Variants in DNAH14 observed in about 807,000 individuals in gnomAD.
The protein encoded by DNAH14 is dynein axonemal heavy chain 14, also known as axonemal beta dynein heavy chain 14.
Under a neutral mutation model 520.9 loss-of-function variants are expected in DNAH14, and 478 were observed. The observed-to-expected ratio is 0.92, with a 90% confidence interval of 0.85 to 0.99. The LOEUF (loss-of-function observed/expected upper bound fraction) is 0.99. DNAH14 is among the 50% of genes least tolerant of loss of function. The pLI is 0.00. For missense variants in DNAH14, 4,831 were observed against 5,234.5 expected (o/e 0.92, Z 2.38); for synonymous variants, 1,581 against 1,757.2 (o/e 0.90, Z 2.51).
intron 41 of DNAH14, among the ~76,000 whole-genome samples, chr1:225,223,344 C>G (rs1345780795): frequency 6.6e-6 from 1 of 152,186 alleles, no homozygotes; most frequent in South Asian, 2.1e-4. Context: ...TTGCAGACCT[C>G]TTTCTAGTAA....
intron 8 of DNAH14, among the ~76,000 whole-genome samples, chr1:224,976,468 A>C (rs887399624): frequency 2.0e-5 from 3 of 152,210 alleles, no homozygotes; most frequent in Non-Finnish European, 2.9e-5. Context: ...AATGGCAACG[A>C]AAGCCAAAAT....
chr1:225,000,348 T>C (rs2147779679), intron 8 of DNAH14, among the ~76,000 whole-genome samples: 2 of 152,224 alleles, frequency 1.3e-5, no homozygotes, highest in South Asian at 4.1e-4. Context: ...CTTTGACATG[T>C]TTTTGGTGTG....
intron 41 of DNAH14, among the ~76,000 whole-genome samples, chr1:225,219,562 A>G (rs1472730406): frequency 6.6e-6 from 1 of 152,160 alleles, no homozygotes; most frequent in Non-Finnish European, 1.5e-5. Context: ...ATCTAAAAGA[A>G]ATGGATAAAT....
At chr1:225,149,637 T>C (rs2080294426) in intron 31 of DNAH14, among the ~76,000 whole-genome samples, 1 of 152,202 alleles carries the variant, frequency 6.6e-6, no homozygotes, top group African/African-American at 2.4e-5. Context: ...TTCATCTCCC[T>C]GGTTAGCTGT....
intron 57 of DNAH14, among the ~76,000 whole-genome samples, chr1:225,304,109 A>G (rs1414104082): frequency 2.0e-5 from 3 of 152,208 alleles, no homozygotes; most frequent in Admixed American, 6.5e-5. Context: ...CTAAATCAGA[A>G]TTATCTCCCA....
In DNAH14 at chr1:225,273,016, T is replaced by C; in HGVS notation, c.7901T>C (p.Leu2634Pro). 6.4e-7 allele frequency: 1 copy of C among 1,551,676 alleles called. No homozygotes were observed. Among genetic ancestry groups the C allele is most frequent in the Non-Finnish European group, 8.7e-7 (1 of 1,146,964 alleles). Reference sequence around the variant, plus strand: ...GTTAACTCCAAAGAGATGGCTGCTCTGCTCTTTGTTCATGAAGCCACCCGA... The same window carrying C: ...GTTAACTCCAAAGAGATGGCTGCTCCGCTCTTTGTTCATGAAGCCACCCGA... ...TVVNSKEMAA[L>P]LFVHEATRVF... The change falls in exon 52 of 86, where the codon CTG (leucine) becomes CCG (proline). Residue 2634 changes from leucine to proline, a missense_variant. Physicochemically the swap from Leu to Pro is moderately conservative, Grantham distance 98. Transcript: ENST00000682510.
intron 8 of DNAH14, among the ~76,000 whole-genome samples, chr1:224,996,639 C>T (rs897328504): frequency 6.6e-6 from 1 of 152,064 alleles, no homozygotes; most frequent in East Asian, 1.9e-4. Flanking sequence ...CTGGTGAGAC[C>T]CCGACTGAGC....
At position 225,360,818 on chromosome 1, in the gene DNAH14, C is replaced by T; in HGVS notation, c.11914C>T (p.Gln3972Ter). The stretch of plus-strand genomic sequence containing the variant: ...CATTTTAAAGGCACTAACAAAAACA[C>T]AACAATGGGTCTTCCTCCAGAACTG... ...DLILKALTKTQQWVFLQNCHL... is the reference protein window; with the variant it reads ...DLILKALTKT Residue 3972 changes from glutamine to a stop codon, truncating the protein, a stop_gained, in exon 75 of 86, where the codon CAA (glutamine) becomes TAA (stop). Coordinates refer to ENST00000682510, the MANE Select transcript of DNAH14 (RefSeq NM_001367479.1). LOFTEE classifies it high-confidence loss of function. The T allele has an allele frequency of 1.3e-6, 2 of 1,551,712 alleles. No individual in the cohort carries two copies. Among genetic ancestry groups the T allele is most frequent in the Non-Finnish European group, 1.7e-6 (2 of 1,146,980 alleles).
chr1:225,051,715 C>A lies in DNAH14; in HGVS notation c.2344C>A (p.Leu782Met), dbSNP rs1259673665. Residue 782 changes from leucine to methionine, a missense_variant, in exon 17 of 86, where the codon CTG becomes ATG. Transcript: ENST00000682510. The stretch of plus-strand genomic sequence containing the variant: ...TCTTGATTATCAATCAGAATGCTTA[C>A]TGTATATTGACAACGTCATACATAT... The part of the protein sequence containing the change: ...VSLDYQSECL[L>M]YIDNVIHMSH... The A allele has an allele frequency of 2.6e-6, 4 of 1,550,962 alleles. No individual in the cohort carries two copies. The South Asian group carries it at 4.8e-5, about 18-fold the overall frequency.
intron 27 of DNAH14, among the ~76,000 whole-genome samples, chr1:225,132,435 A>G (rs575743500): frequency 6.6e-6 from 1 of 151,496 alleles, no homozygotes; most frequent in Non-Finnish European, 1.5e-5. Context: ...TGTTCTCATC[A>G]TTCAGCTCCC....
At chr1:225,099,952 G>A (rs1250923708) in intron 22 of DNAH14, among the ~76,000 whole-genome samples, 2 of 152,074 alleles carry the variant, frequency 1.3e-5, no homozygotes, top group Non-Finnish European at 2.9e-5. Flanking sequence ...ATCAGGTTGA[G>A]GCTAGGGTGG....
At position 225,367,968 on chromosome 1, in the gene DNAH14, A is replaced by G; in HGVS notation, c.12254A>G (p.Glu4085Gly). 12 of 1,551,530 alleles carry G rather than the reference A, an allele frequency of 7.7e-6. No individual in the cohort carries two copies. Among genetic ancestry groups the G allele is most frequent in the Non-Finnish European group, 9.6e-6 (11 of 1,146,934 alleles). ...TGTTTTTTCAATGCTGTAATCAATGAAAGAAAAAATTACGGAATATTGGGC... is the reference window on the plus strand; with the variant it reads ...TGTTTTTTCAATGCTGTAATCAATGGAAGAAAAAATTACGGAATATTGGGC... ...SLCFFNAVINERKNYGILGWN... is the reference protein window; with the variant it reads ...SLCFFNAVINGRKNYGILGWN... Residue 4085 changes from glutamate (E) to glycine (G), a missense_variant, in exon 77 of 86, where the codon GAA (glutamate) becomes GGA (glycine). By Grantham distance (98) the Glu-to-Gly change is moderately conservative. Transcript: ENST00000682510.
At chr1:225,311,912 T>C (rs948641171) in intron 60 of DNAH14, among the ~76,000 whole-genome samples, 1 of 152,200 alleles carries the variant, frequency 6.6e-6, no homozygotes, top group East Asian at 1.9e-4. Flanking sequence ...TGCTTAGGAT[T>C]GTCTTGGATA....
chr1:225,079,988 C>T (rs1039098034), intron 18 of DNAH14, among the ~76,000 whole-genome samples: 1 of 151,952 alleles, frequency 6.6e-6, no homozygotes, highest in Admixed American at 6.6e-5. Context: ...AAGTATTCTT[C>T]AACTGGAATT....
intron 71 of DNAH14, among the ~76,000 whole-genome samples, chr1:225,348,546 T>C (rs150072442): frequency 2.0e-4 from 31 of 152,258 alleles, no homozygotes; most frequent in African/African-American, 7.5e-4. Context: ...GGAAAAACTT[T>C]GCAAACTAGA....
At chr1:225,336,703 T>C (rs543918873) in intron 66 of DNAH14, among the ~76,000 whole-genome samples, 2 of 152,174 alleles carry the variant, frequency 1.3e-5, no homozygotes, top group Non-Finnish European at 2.9e-5. Context: ...ATTGGCCATA[T>C]AACAGGCCAC....
chr1:224,972,569 G>A (rs891642409), intron 7 of DNAH14, among the ~76,000 whole-genome samples: 3 of 151,028 alleles, frequency 2.0e-5, no homozygotes, highest in East Asian at 1.9e-4. Context: ...GGGTTCACAC[G>A]ATTCTCCTGC....
chr1:225,175,035 A>G (rs1327447539), intron 36 of DNAH14, among the ~76,000 whole-genome samples: 3 of 152,192 alleles, frequency 2.0e-5, no homozygotes, highest in African/African-American at 2.4e-5. Flanking sequence ...CCTCTTGATC[A>G]TGGTTAATGA....
chr1:225,104,206 A>G (rs1553449233), intron 23 of DNAH14, among the ~76,000 whole-genome samples: 1 of 152,144 alleles, frequency 6.6e-6, no homozygotes, highest in Non-Finnish European at 1.5e-5. Context: ...TCCATATGTT[A>G]AACCAGCCTT....
Sources: allele counts gnomAD v4.1 joint callset (sites outside exome capture counted in the v4.1 genomes callset), GRCh38; gene constraint gnomAD v4.1.1; transcripts MANE v1.5; gene names NCBI Gene and HGNC (gene_info 2026-07-23, HGNC 2026-07-21).